Variants in PALM2AKAP2 observed in about 807,000 individuals in gnomAD.
The protein encoded by PALM2AKAP2 is PALM2-AKAP2 fusion protein.
In PALM2AKAP2, 37 loss-of-function variants were observed where a neutral mutation model predicts 71.5. That is an observed-to-expected ratio of 0.52 (90% confidence interval 0.40 to 0.68). The LOEUF is 0.68. Ranked by LOEUF, PALM2AKAP2 falls within the 30% of genes least tolerant of loss-of-function variation. The probability of loss-of-function intolerance (pLI) is 0.00; values close to 1 mark genes in which losing one functional copy is unlikely to be tolerated. For missense variants in PALM2AKAP2, 1,224 were observed against 1,191.8 expected, an observed-to-expected ratio of 1.03 and a Z score of -0.40; for synonymous variants, 468 against 478.8, an observed-to-expected ratio of 0.98 and a Z score of 0.29.
chr9:109,688,386 T>C (rs757581255), intron 1 of PALM2AKAP2, among the ~76,000 whole-genome samples: 4 of 152,228 alleles, frequency 2.6e-5, no homozygotes, highest in Non-Finnish European at 5.9e-5. Flanking sequence ...TGAGAAGCAT[T>C]GAACTAGATG....
At chr9:109,726,081 G>A (rs952933804) in intron 1 of PALM2AKAP2, among the ~76,000 whole-genome samples, 1 of 152,192 alleles carries the variant, frequency 6.6e-6, no homozygotes, top group Non-Finnish European at 1.5e-5. Flanking sequence ...TTCCTACAAG[G>A]CAGGTGTAAC....
chr9:110,006,085 G>A (rs1832775706), intron 6 of PALM2AKAP2, among the ~76,000 whole-genome samples: 1 of 152,156 alleles, frequency 6.6e-6, no homozygotes, highest in Non-Finnish European at 1.5e-5. Flanking sequence ...ACCTCAGTTG[G>A]AAATGCAGAA....
chr9:109,971,743 A>G (rs1361310109), intron 6 of PALM2AKAP2, among the ~76,000 whole-genome samples: 1 of 152,112 alleles, frequency 6.6e-6, no homozygotes, highest in African/African-American at 2.4e-5. Context: ...ATTGTTGCAG[A>G]GTGTAAAACC....
chr9:110,124,094 T>C (rs950655816), intron 1 of PALM2AKAP2, among the ~76,000 whole-genome samples: 3 of 152,228 alleles, frequency 2.0e-5, no homozygotes, highest in African/African-American at 4.8e-5. Context: ...TTTTAGCATA[T>C]GGAAAATGTT....
intron 1 of PALM2AKAP2, among the ~76,000 whole-genome samples, chr9:109,799,033 C>T (rs1827344290): frequency 6.6e-6 from 1 of 152,200 alleles, no homozygotes; most frequent in African/African-American, 2.4e-5. Context: ...GATCCCCTTG[C>T]TGTGCTCTAG....
At chr9:110,104,197 T>A (rs1835064050) in intron 1 of PALM2AKAP2, among the ~76,000 whole-genome samples, 8 of 102,788 alleles carry the variant, frequency 7.8e-5, no homozygotes, top group East Asian at 3.4e-4. Flanking sequence ...GGCGGGGGGG[T>A]AAGGTATCGT....
intron 3 of PALM2AKAP2, among the ~76,000 whole-genome samples, chr9:109,909,156 G>A (rs531698837): frequency 8.0e-5 from 12 of 150,106 alleles, no homozygotes; most frequent in East Asian, 2.0e-4. Flanking sequence ...TTACACACGC[G>A]CGCACGCACA....
At chr9:109,971,310 T>C (rs992025408) in intron 6 of PALM2AKAP2, among the ~76,000 whole-genome samples, 1 of 134,336 alleles carries the variant, frequency 7.4e-6, no homozygotes, top group South Asian at 2.5e-4. Context: ...TTTTTTTTTT[T>C]TTTTACAGAG....
intron 1 of PALM2AKAP2, among the ~76,000 whole-genome samples, chr9:109,743,276 A>G (rs1367454292): frequency 6.6e-6 from 1 of 152,216 alleles, no homozygotes; most frequent in Admixed American, 6.5e-5. Flanking sequence ...AGTAAGATTT[A>G]TGGCAGAAGT....
intron 1 of PALM2AKAP2, among the ~76,000 whole-genome samples, chr9:109,707,383 G>A (rs1361985302): frequency 6.6e-6 from 1 of 152,114 alleles, no homozygotes; most frequent in Non-Finnish European, 1.5e-5. Flanking sequence ...CCCTGCCCCA[G>A]CTTTGAAGTC....
At chr9:110,117,724 C>T (rs557923557) in intron 1 of PALM2AKAP2, among the ~76,000 whole-genome samples, 1 of 152,232 alleles carries the variant, frequency 6.6e-6, no homozygotes, top group South Asian at 2.1e-4. Flanking sequence ...CCTGGGTTGA[C>T]CATTCGTGAG....
At chr9:109,791,457 G>A (rs926606151) in intron 1 of PALM2AKAP2, among the ~76,000 whole-genome samples, 3 of 152,168 alleles carry the variant, frequency 2.0e-5, no homozygotes, top group African/African-American at 7.2e-5. Context: ...GCATGGCAGT[G>A]GAGGGAGCCT....
intron 1 of PALM2AKAP2, among the ~76,000 whole-genome samples, chr9:109,662,779 C>G (rs1248247841): frequency 6.6e-6 from 1 of 152,166 alleles, no homozygotes; most frequent in East Asian, 1.9e-4. Flanking sequence ...TAGAATTCAG[C>G]TGTGAATCTG....
At chr9:109,940,873 A>C (rs1201736222) in intron 6 of PALM2AKAP2, among the ~76,000 whole-genome samples, 1 of 152,232 alleles carries the variant, frequency 6.6e-6, no homozygotes, top group Non-Finnish European at 1.5e-5. Context: ...TTATTTTCTA[A>C]AGACACAAGG....
At chr9:110,011,929 G>A (rs1832890497) in intron 6 of PALM2AKAP2, among the ~76,000 whole-genome samples, 1 of 152,182 alleles carries the variant, frequency 6.6e-6, no homozygotes, top group Non-Finnish European at 1.5e-5. Context: ...GTACGAGAGT[G>A]AGGGAAGAAT....
At chr9:109,697,130 G>A (rs1827983539) in intron 1 of PALM2AKAP2, among the ~76,000 whole-genome samples, 1 of 152,008 alleles carries the variant, frequency 6.6e-6, no homozygotes, top group Non-Finnish European at 1.5e-5. Flanking sequence ...TTCATCAACA[G>A]GGTACTGGTT....
chr9:109,644,596 A>G (rs535766736), intron 1 of PALM2AKAP2, among the ~76,000 whole-genome samples: 2 of 152,114 alleles, frequency 1.3e-5, no homozygotes, highest in Admixed American at 6.5e-5. Context: ...TTTCTTTTCT[A>G]TCACATTGTC....
exon 2 of PALM2AKAP2, chr9:109,867,555 T>C (rs1829487381): frequency 6.2e-7 from 1 of 1,612,678 alleles, no homozygotes. Context: ...CAGATACTTC[T>C]GCTGCAGCAT....
In PALM2AKAP2 at chr9:109,842,471, A is replaced by C. The variant is rs569019574; in HGVS notation, c.46-25020A>C. 7.3e-4 allele frequency among the ~76,000 whole-genome samples: 111 copies of C among 152,354 alleles called. 1 individual carries two copies. The highest frequency in any genetic ancestry group is 2.6e-3 in the African/African-American group (108 of 41,584). On this transcript the variant is annotated intron_variant, in intron 1 of 9. Coordinates refer to the PALM2AKAP2 transcript ENST00000302798. ...GCCACTTCTGGTGAGGCGGGTACGCAGAATACATTATCCAGCTTAAACTCA... is the reference window on the plus strand; with the variant it reads ...GCCACTTCTGGTGAGGCGGGTACGCCGAATACATTATCCAGCTTAAACTCA...
Sources: gnomAD v4.1 joint callset for allele counts (sites outside exome capture counted in the v4.1 genomes callset) on GRCh38, gnomAD v4.1.1 for gene constraint, MANE v1.5 for transcripts, NCBI Gene and HGNC (gene_info 2026-07-23, HGNC 2026-07-21) for gene names.